UGT2B4: variants seen among roughly 807,000 people sequenced by gnomAD.
The protein encoded by UGT2B4 is UDP glucuronosyltransferase family 2 member B4.
UGT2B4 carries 49 observed loss-of-function variants against 49.8 expected under a neutral mutation model. The observed-to-expected ratio is 0.98, with a 90% CI of 0.78 to 1.25. UGT2B4 has a LOEUF of 1.25. Ranked by LOEUF, UGT2B4 falls within the 50% of genes most tolerant of loss-of-function variation. The pLI, the probability that UGT2B4 is intolerant of heterozygous loss-of-function variation, is 0.00. For missense variants in UGT2B4, 729 were observed against 627.7 expected (o/e 1.16, Z -1.73); for synonymous variants, 246 against 217.7 (o/e 1.13, Z -1.14).
intron 1 of UGT2B4, among the ~76,000 whole-genome samples, chr4:69,519,300 C>T (rs1254071231): frequency 1.3e-5 from 2 of 152,072 alleles, no homozygotes; most frequent in Non-Finnish European, 2.9e-5. Context: ...TAAAAATGTA[C>T]ATTAGTAACC....
intron 1 of UGT2B4, among the ~76,000 whole-genome samples, chr4:69,509,823 G>C (rs569589357): frequency 3.4e-4 from 51 of 151,630 alleles, no homozygotes; most frequent in African/African-American, 1.2e-3. Context: ...ACTGTTGACT[G>C]TTTTCTTTGC....
At chr4:69,481,596 C>T (rs1190537082) in intron 5 of UGT2B4, among the ~76,000 whole-genome samples, 1 of 152,094 alleles carries the variant, frequency 6.6e-6, no homozygotes, top group Non-Finnish European at 1.5e-5. Context: ...ATACAGGCTG[C>T]AGTGTGAAAT....
intron 1 of UGT2B4, among the ~76,000 whole-genome samples, chr4:69,509,134 A>G (rs1032128905): frequency 1.3e-5 from 2 of 149,904 alleles, no homozygotes; most frequent in East Asian, 3.9e-4. Flanking sequence ...TTATGTTGTC[A>G]CATATGGCAG....
At position 69,522,944 on chromosome 4, in the gene UGT2B4, A is replaced by G. The variant is rs1456057410; in HGVS notation, c.-106+2743T>C. On this transcript the variant is annotated intron_variant, in intron 1 of 1. Transcript: ENST00000510114. The stretch of plus-strand genomic sequence containing the variant: ...TTTCACCAGGAGCAAATTTTATCTC[A>G]GGAAACCACTTTCTTCTCCAATGCA... 2.6e-5 allele frequency among the ~76,000 whole-genome samples: 4 copies of G among 152,314 alleles called. No individual in the cohort carries two copies. The East Asian group carries it at 7.7e-4, about 29-fold the overall frequency.
At chr4:69,495,093 G>T in intron 1 of UGT2B4, 48 bp downstream of exon 1, 1 of 1,479,308 alleles carries the variant, frequency 6.8e-7, no homozygotes, top group Non-Finnish European at 9.0e-7. Flanking sequence ...AGCTTCAAAG[G>T]TACAAGAAAG....
intron 1 of UGT2B4, among the ~76,000 whole-genome samples, chr4:69,506,234 C>A (rs1402141272): frequency 6.6e-6 from 1 of 151,804 alleles, no homozygotes; most frequent in Non-Finnish European, 1.5e-5. Context: ...CAGAGATGAA[C>A]TGAAAGAGAT....
intron 1 of UGT2B4, among the ~76,000 whole-genome samples, chr4:69,524,960 A>G (rs558197643): frequency 1.3e-5 from 2 of 152,324 alleles, no homozygotes; most frequent in South Asian, 2.1e-4. Flanking sequence ...AGAATGAGAA[A>G]AGGTCATGGT....
chr4:69,514,106 A>G (rs1728673516), intron 1 of UGT2B4, among the ~76,000 whole-genome samples: 1 of 152,012 alleles, frequency 6.6e-6, no homozygotes, highest in Non-Finnish European at 1.5e-5. Context: ...TTTTTAAATT[A>G]TACTTTAAGT....
At position 69,489,381 on chromosome 4, in the gene UGT2B4, A is replaced by G. The variant is rs1248415383; in HGVS notation, c.1002+58T>C. The G allele has an allele frequency of 5.0e-6, 8 of 1,593,372 alleles. No homozygotes were observed. In the Admixed American group the frequency reaches 1.2e-4, roughly 24 times the overall value. ...GGAAGTTTCTACAATTGGGTTCTTT[A>G]CAAACTTTAACAGCCTCTTTCAGTA... On this transcript the variant is annotated intron_variant, in intron 3 of 5. Coordinates refer to ENST00000305107, the MANE Select transcript of UGT2B4 (RefSeq NM_021139.3).
chr4:69,482,180 C>G (rs1016987520), intron 5 of UGT2B4, among the ~76,000 whole-genome samples: 3 of 152,160 alleles, frequency 2.0e-5, no homozygotes, highest in Non-Finnish European at 4.4e-5. Flanking sequence ...GCTTCTATCT[C>G]TTTTTGAGGC....
Position 69,480,815 on chromosome 4 carries a change from C to T in UGT2B4, c.1406G>A (p.Arg469His), listed in dbSNP as rs1314997496. 10 of 1,613,766 alleles carry T rather than the reference C, an allele frequency of 6.2e-6. No homozygotes were observed. The highest frequency in any genetic ancestry group is 4.4e-5 in the South Asian group (4 of 91,072). Residue 469 changes from arginine (R) to histidine (H), a missense_variant, in exon 6 of 6, where the codon CGC becomes CAC. Arg to His is a conservative substitution (Grantham distance 29). Transcript: ENST00000305107. ...CCGAAGGTGCTTGGCTCCTTTATGGCGCATGACAAATTCAATCCAGAAGAC... is the reference window on the plus strand; with the variant it reads ...CCGAAGGTGCTTGGCTCCTTTATGGTGCATGACAAATTCAATCCAGAAGAC... The part of the protein sequence containing the change: ...RAVFWIEFVM[R>H]HKGAKHLRVA...
Position 69,480,664 on chromosome 4 carries a change from A to G in UGT2B4, c.1557T>C (p.Val519=), listed in dbSNP as rs767904806. The change falls in exon 6 of 6, where the codon GTT becomes GTC. Residue 519 remains valine, a synonymous_variant. Transcript: ENST00000305107. ...TKCLFCVWKF[V]RTGKKGKRD ...CTCTTTTCCCCTTCTTTCCTGTTCT[A>G]ACAAACTTCCAGACACAAAACAGAC... 1.2e-6 allele frequency: 2 copies of G among 1,613,942 alleles called. No homozygotes were observed. The highest frequency in any genetic ancestry group is 1.7e-6 in the Non-Finnish European group (2 of 1,179,996).
chr4:69,493,294 T>C (rs146889322), intron 2 of UGT2B4, among the ~76,000 whole-genome samples: 192 of 152,286 alleles, frequency 1.3e-3, no homozygotes, highest in African/African-American at 4.5e-3. Flanking sequence ...TAACAGTTTT[T>C]ACACAGTTTT....
At chr4:69,524,332 A>C (rs542366185) in intron 1 of UGT2B4, among the ~76,000 whole-genome samples, 18 of 152,136 alleles carry the variant, frequency 1.2e-4, no homozygotes, top group Middle Eastern at 3.4e-3. Flanking sequence ...TCACTTGAAC[A>C]CTTAGAGAGC....
chr4:69,484,676 A>C (rs533909919), intron 5 of UGT2B4, among the ~76,000 whole-genome samples: 1 of 152,280 alleles, frequency 6.6e-6, no homozygotes, highest in South Asian at 2.1e-4. Flanking sequence ...TTTTACGTTG[A>C]TACAAATGTT....
intron 1 of UGT2B4, among the ~76,000 whole-genome samples, chr4:69,501,307 G>C (rs1000718651): frequency 6.6e-6 from 1 of 152,126 alleles, no homozygotes; most frequent in African/African-American, 2.4e-5. Context: ...AACTTGGCCA[G>C]ACTGCTTCTT....
rs986392471 is a variant in UGT2B4, at chr4:69,495,787, C to A, written c.75G>T (p.Lys25Asn). The change falls in exon 1 of 6, where the codon AAG (lysine) becomes AAT (asparagine). Residue 25 changes from lysine (K) to asparagine (N), a missense_variant. Coordinates refer to ENST00000305107, the MANE Select transcript of UGT2B4 (RefSeq NM_021139.3). ...SCYFSSGSCG[K>N]VLVWPTEFSH... ...TGAATTCTGTGGGCCACACCAGCAC[C>A]TTTCCACAACTCCCAGAGCTAAAGT... 1.2e-6 allele frequency: 2 copies of A among 1,613,600 alleles called. No homozygotes were observed. Among genetic ancestry groups the A allele is most frequent in the Non-Finnish European group, 8.5e-7 (1 of 1,179,866 alleles).
intron 1 of UGT2B4, among the ~76,000 whole-genome samples, chr4:69,514,311 T>A (rs2109829956): frequency 6.6e-6 from 1 of 152,216 alleles, no homozygotes; most frequent in South Asian, 2.1e-4. Context: ...ATTGTTCAAT[T>A]CCCACCTATG....
chr4:69,500,876 TG>T (rs1728302818), upstream of UGT2B4, among the ~76,000 whole-genome samples: 1 of 152,078 alleles, frequency 6.6e-6, no homozygotes, highest in Non-Finnish European at 1.5e-5. Flanking sequence ...CAGAGCTACA[TG>T]GAGTTTAGGC....
Sources: allele counts gnomAD v4.1 joint callset (sites outside exome capture counted in the v4.1 genomes callset), GRCh38; gene constraint gnomAD v4.1.1; transcripts MANE v1.5; gene names NCBI Gene and HGNC (gene_info 2026-07-23, HGNC 2026-07-21).